The following RAPGEF4 variants were observed in gnomAD, a reference collection of about 807,000 sequenced individuals.
RAPGEF4 encodes the protein RAP guanine-nucleotide-exchange factor (GEF) 4.
RAPGEF4 carries 66 observed loss-of-function variants against 147.9 expected under a neutral mutation model. The observed-to-expected ratio is 0.45, with a 90% CI of 0.37 to 0.55. RAPGEF4 has a LOEUF of 0.55. RAPGEF4 is among the 20% of genes least tolerant of loss of function. The pLI, the probability that RAPGEF4 is intolerant of heterozygous loss-of-function variation, is 0.00. For missense variants in RAPGEF4, 1,071 were observed against 1,257.3 expected (o/e 0.85, Z 2.24); for synonymous variants, 419 against 442.7 (o/e 0.95, Z 0.67).
intron 4 of RAPGEF4, among the ~76,000 whole-genome samples, chr2:172,875,092 T>C (rs1268674158): frequency 1.3e-5 from 2 of 152,104 alleles, no homozygotes; most frequent in African/African-American, 4.8e-5. Context: ...TTTGATGGGG[T>C]TGTTTGTTTT....
intron 4 of RAPGEF4, among the ~76,000 whole-genome samples, chr2:172,884,543 T>G (rs1696973087): frequency 6.6e-6 from 1 of 152,226 alleles, no homozygotes; most frequent in Non-Finnish European, 1.5e-5. Context: ...AGCTGGAGAT[T>G]CCAAAGCATT....
intron 3 of RAPGEF4, among the ~76,000 whole-genome samples, chr2:172,804,129 A>G (rs1246743790): frequency 6.6e-6 from 1 of 152,246 alleles, no homozygotes; most frequent in Non-Finnish European, 1.5e-5. Flanking sequence ...TTCTGAAAAA[A>G]AAAATCAACC....
chr2:172,804,992 G>A (rs959430383), intron 3 of RAPGEF4, among the ~76,000 whole-genome samples: 2 of 152,190 alleles, frequency 1.3e-5, no homozygotes, highest in African/African-American at 4.8e-5. Flanking sequence ...GGAGGCGTGA[G>A]TTGCAGGCTG....
chr2:172,784,441 CCAGGAAG>C (rs2149518493), intron 1 of RAPGEF4, among the ~76,000 whole-genome samples: 2 of 152,032 alleles, frequency 1.3e-5, no homozygotes, highest in South Asian at 4.2e-4. Flanking sequence ...TGGCTTGAAC[CCAGGAAG>C]CAGAGCTTGC....
At chr2:173,010,527 T>A (rs956005768) in intron 17 of RAPGEF4, among the ~76,000 whole-genome samples, 1 of 152,260 alleles carries the variant, frequency 6.6e-6, no homozygotes, top group African/African-American at 2.4e-5. Flanking sequence ...CATGCTGTAT[T>A]TGAAATGTTA....
intron 4 of RAPGEF4, among the ~76,000 whole-genome samples, chr2:172,816,408 C>T (rs952707765): frequency 6.6e-6 from 1 of 151,960 alleles, no homozygotes; most frequent in Admixed American, 6.6e-5. Flanking sequence ...TTTTTTTGCA[C>T]TTCTATCCCA....
At chr2:172,850,784 G>A (rs1028419383) in intron 4 of RAPGEF4, among the ~76,000 whole-genome samples, 5 of 151,932 alleles carry the variant, frequency 3.3e-5, no homozygotes, top group East Asian at 3.8e-4. Context: ...TATTATGTAC[G>A]TACCTCTTTT....
intron 1 of RAPGEF4, among the ~76,000 whole-genome samples, chr2:172,740,165 A>G (rs939197523): frequency 2.0e-5 from 3 of 152,234 alleles, no homozygotes; most frequent in East Asian, 1.9e-4. Context: ...CTTTACAGAA[A>G]AAGTTTGCCA....
chr2:173,001,507 T>G (rs1291569560), intron 17 of RAPGEF4, among the ~76,000 whole-genome samples, 163 bp downstream of exon 17: 2 of 152,176 alleles, frequency 1.3e-5, no homozygotes, highest in African/African-American at 4.8e-5. Flanking sequence ...TCCCACAGTT[T>G]TCCCCTGTAC....
intron 24 of RAPGEF4, 88 bp from the exon 25 acceptor site, chr2:173,026,993 A>G (rs1399317639): frequency 5.0e-6 from 6 of 1,201,200 alleles, no homozygotes; most frequent in Non-Finnish European, 6.9e-6. Flanking sequence ...TTTGCTGACC[A>G]GTAAAACACT....
At chr2:172,959,283 T>A (rs148745943) in intron 6 of RAPGEF4, among the ~76,000 whole-genome samples, 1 of 152,376 alleles carries the variant, frequency 6.6e-6, no homozygotes, top group East Asian at 1.9e-4. Context: ...TCCTTTTCCA[T>A]CTTCTGGAGG....
At chr2:172,877,154 C>T (rs1318825263) in intron 4 of RAPGEF4, among the ~76,000 whole-genome samples, 1 of 152,084 alleles carries the variant, frequency 6.6e-6, no homozygotes, top group Non-Finnish European at 1.5e-5. Flanking sequence ...GAAAATGGGG[C>T]ATATATACAC....
At chr2:172,904,447 A>T (rs1228296010) in intron 4 of RAPGEF4, among the ~76,000 whole-genome samples, 1 of 152,196 alleles carries the variant, frequency 6.6e-6, no homozygotes, top group East Asian at 1.9e-4. Flanking sequence ...AGTAGCATTG[A>T]CCTACTGTGT....
Position 172,735,918 on chromosome 2 carries a change from G to T in RAPGEF4, c.-66G>T, listed in dbSNP as rs1693696729. On this transcript the variant is annotated 5_prime_UTR_variant, in exon 1 of 31. Transcript: ENST00000397081. Reference sequence around the variant, plus strand: ...TCCGCGCGGCGGACGAGGCGGGGGCGGAGGCGCAGGCAGAGCGAGCGCGGG... The same window carrying T: ...TCCGCGCGGCGGACGAGGCGGGGGCTGAGGCGCAGGCAGAGCGAGCGCGGG... The T allele has an allele frequency of 7.6e-7, 1 of 1,323,640 alleles. No homozygotes were observed. The highest frequency in any genetic ancestry group is 9.8e-7 in the Non-Finnish European group (1 of 1,017,502). The allele number at this position is 1,323,640 out of a possible 1,614,324, so 82.0% of individuals were successfully genotyped here.
intron 4 of RAPGEF4, among the ~76,000 whole-genome samples, chr2:172,866,504 C>T (rs985510944): frequency 7.9e-5 from 12 of 152,106 alleles, no homozygotes; most frequent in African/African-American, 2.9e-4. Flanking sequence ...TATTCAGGGG[C>T]ACTCTTCTGA....
intron 4 of RAPGEF4, among the ~76,000 whole-genome samples, chr2:172,842,049 G>T (rs1691673815): frequency 6.6e-6 from 1 of 152,138 alleles, no homozygotes; most frequent in African/African-American, 2.4e-5. Flanking sequence ...CGGGAGGCTA[G>T]AAAATTATTC....
intron 29 of RAPGEF4, among the ~76,000 whole-genome samples, chr2:173,039,417 A>G (rs1472258225): frequency 1.3e-5 from 2 of 151,676 alleles, no homozygotes; most frequent in Non-Finnish European, 2.9e-5. Context: ...GTGAGCCGAG[A>G]TTGCACCACT....
In RAPGEF4 at chr2:172,771,964, T is replaced by G. The variant is rs7557502; in HGVS notation, c.66-23061T>G. ...GAAAGTAATAACTGTTGGCTGGGCA[T>G]GGTGGCAACATGTCTATAATCCCAA... On this transcript the variant is annotated intron_variant, in intron 1 of 30. Coordinates refer to ENST00000397081, the MANE Select transcript of RAPGEF4 (RefSeq NM_007023.4). 1.6e-3 allele frequency among the ~76,000 whole-genome samples: 243 copies of G among 152,300 alleles called. 1 individual carries two copies. The highest frequency in any genetic ancestry group is 5.5e-3 in the African/African-American group (229 of 41,562).
At chr2:172,950,445 A>G (rs1223717721) in intron 6 of RAPGEF4, among the ~76,000 whole-genome samples, 1 of 152,176 alleles carries the variant, frequency 6.6e-6, no homozygotes, top group Non-Finnish European at 1.5e-5. Flanking sequence ...TTCCAATACT[A>G]ATTTCATAAA....
Sources: gnomAD v4.1 joint callset for allele counts (sites outside exome capture counted in the v4.1 genomes callset) on GRCh38, gnomAD v4.1.1 for gene constraint, MANE v1.5 for transcripts, NCBI Gene and HGNC (gene_info 2026-07-23, HGNC 2026-07-21) for gene names.